MYO15A: variants seen among roughly 807,000 people sequenced by gnomAD.
MYO15A encodes myosin XVA.
Under a neutral mutation model 394.6 loss-of-function variants are expected in MYO15A, and 308 were observed. The observed-to-expected ratio is 0.78, with a 90% confidence interval of 0.71 to 0.86. The LOEUF (loss-of-function observed/expected upper bound fraction) is 0.86, where lower values mean the gene tolerates loss of function less well. MYO15A is among the 40% of genes least tolerant of loss of function. The pLI, the probability that MYO15A is intolerant of heterozygous loss-of-function variation, is 0.00. For synonymous variants in MYO15A, 1,957 were observed against 2,003.8 expected (o/e 0.98, Z 0.62); for missense variants, 4,606 against 4,799.1 (o/e 0.96, Z 1.19).
chr17:18,121,401 C>G lies in MYO15A; in HGVS notation c.2601C>G (p.Arg867=). Residue 867 remains arginine (R), a synonymous_variant, in exon 2 of 66, where the codon CGC becomes CGG. Coordinates refer to ENST00000647165, the MANE Select transcript of MYO15A (RefSeq NM_016239.4). This position sits in a 1 kb window ranked among gnomAD's most constrained non-coding sequence, Gnocchi z 5.3. ...GCAGCTCCCTGAATCTGCCCTCGCGCCTCCCGCACACGTGGCGGCGCCTCA... is the reference window on the plus strand; with the variant it reads ...GCAGCTCCCTGAATCTGCCCTCGCGGCTCCCGCACACGTGGCGGCGCCTCA... ...PRRSSLNLPS[R]LPHTWRRLSE... 6.5e-7 allele frequency: 1 copy of G among 1,537,558 alleles called. No individual in the cohort carries two copies. The highest frequency in any genetic ancestry group is 8.7e-7 in the Non-Finnish European group (1 of 1,144,838).
chr17:18,132,027 C>T lies in MYO15A; in HGVS notation c.4207-426C>T, dbSNP rs2046176418. Among the ~76,000 whole-genome samples the T allele has an allele frequency of 6.6e-6, 1 of 152,154 alleles. No individual in the cohort carries two copies. Among genetic ancestry groups the T allele is most frequent in the African/African-American group, 2.4e-5 (1 of 41,432 alleles). On this transcript the variant is annotated intron_variant, in intron 10 of 65. Transcript: ENST00000647165. The surrounding 1 kb of genome is among the most constrained non-coding windows in gnomAD (Gnocchi z 4.6). The stretch of plus-strand genomic sequence containing the variant: ...AGCTAGCAGGTGGGCTCCATCAGGT[C>T]AGGGGCTTCTCTCTACGTTGTTCCC...
intron 16 of MYO15A, chr17:18,137,886 C>T (rs1378201987): frequency 2.4e-6 from 2 of 832,468 alleles, no homozygotes; most frequent in African/African-American, 1.7e-5. Flanking sequence ...AGAGAGGAGT[C>T]CCCTTGGTGG....
rs371677606 is a variant in MYO15A at position 18,145,996 on chromosome 17, A to G, written c.6398A>G (p.Asn2133Ser). ...GATGAGATCCTGGCACAGCTGGCCA[A>G]TCAGGTGTGGCACAATCACAATGCC... is the stretch of plus-strand genomic sequence containing the variant. Reference protein sequence around the residue: ...LRDEILAQLANQVWHNHNAHN... With the variant: ...LRDEILAQLASQVWHNHNAHN... The change falls in exon 30 of 66, where the codon AAT (asparagine) becomes AGT (serine). Residue 2133 changes from asparagine to serine, a missense_variant. Asn to Ser is a conservative substitution (Grantham distance 46). Coordinates refer to ENST00000647165, the MANE Select transcript of MYO15A (RefSeq NM_016239.4). 1.1e-5 allele frequency: 18 copies of G among 1,613,792 alleles called. 1 individual carries two copies. In the African/African-American group the frequency reaches 2.4e-4, roughly 22 times the overall value.
intron 16 of MYO15A, 137 bp from the exon 17 acceptor site, chr17:18,137,978 G>A (rs533669368): frequency 2.1e-5 from 26 of 1,250,178 alleles, no homozygotes; most frequent in Non-Finnish European, 2.9e-5. Context: ...CCTTATTAGG[G>A]GGTGAGCTCC....
At position 18,151,198 on chromosome 17, in the gene MYO15A, TG is replaced by T; in HGVS notation, c.7564del (p.Ala2522ProfsTer21). ...CTCCTGCGTGCCACTCCAAAGCCCT[TG>T]GCCCCAGCCCCTCTGGCCAAGGCTC... is the stretch of plus-strand genomic sequence containing the variant. ...PVLLRATPKP[L>X]APAPLAKAPR... On this transcript the variant is annotated frameshift_variant, in exon 39 of 66. Coordinates refer to ENST00000647165, the MANE Select transcript of MYO15A (RefSeq NM_016239.4). LOFTEE classifies it high-confidence loss of function. 2 of 1,614,112 alleles carry T rather than the reference TG, an allele frequency of 1.2e-6. No individual in the cohort carries two copies. The highest frequency in any genetic ancestry group is 1.7e-6 in the Non-Finnish European group (2 of 1,180,018).
rs2046052304 is a variant in MYO15A at position 18,126,802 on chromosome 17, C to T, written c.3878C>T (p.Ala1293Val). The T allele has an allele frequency of 1.2e-6, 2 of 1,613,582 alleles. No individual in the cohort carries two copies. Among genetic ancestry groups the T allele is most frequent in the Non-Finnish European group, 1.7e-6 (2 of 1,179,880 alleles). ...ALGENPPHLFAVANLAFAKML... is the reference protein window; with the variant it reads ...ALGENPPHLFVVANLAFAKML... The stretch of plus-strand genomic sequence containing the variant: ...ACCTGTCTCCCCAGGCACCTCTTTG[C>T]TGTTGCAAATCTCGCCTTCGCCAAA... Residue 1293 changes from alanine to valine, a missense_variant, in exon 6 of 66, where the codon GCT (alanine) becomes GTT (valine). Ala to Val is a moderately conservative substitution (Grantham distance 64, BLOSUM62 0). Around this residue, in one of 2 missense-constraint regions of MYO15A, gnomAD observed 2,776 missense variants for 3,109.3 expected, o/e 0.89. Transcript: ENST00000647165.
chr17:18,163,374 A>G, intron 59 of MYO15A, 53 bp downstream of exon 59: 1 of 1,572,048 alleles, frequency 6.4e-7, no homozygotes, highest in Non-Finnish European at 8.7e-7. Flanking sequence ...AGGGACAAGG[A>G]CAGCCCAGGC....
chr17:18,160,082 C>G (rs2046754226), intron 56 of MYO15A, 65 bp downstream of exon 56: 2 of 1,492,954 alleles, frequency 1.3e-6, no homozygotes, highest in Non-Finnish European at 1.8e-6. Flanking sequence ...GGGACCAGTT[C>G]AGCCTCCCAC....
At position 18,118,987 on chromosome 17, in the gene MYO15A, C is replaced by A; in HGVS notation, c.187C>A (p.Leu63Ile). 1 of 1,613,026 alleles carries A rather than the reference C, an allele frequency of 6.2e-7. No homozygotes were observed. The highest frequency in any genetic ancestry group is 1.3e-5 in the African/African-American group (1 of 75,056). The stretch of plus-strand genomic sequence containing the variant: ...CAGCGCCTCGGCCTTCTTCTGGGGC[C>A]TCCACACCGGCCCCCAGAAGACCAA... ...FRSASAFFWG[L>I]HTGPQKTKRK... Residue 63 changes from leucine to isoleucine, a missense_variant, in exon 2 of 66, where the codon CTC becomes ATC. Physicochemically the swap from Leu to Ile is conservative, Grantham distance 5. Transcript: ENST00000647165.
intron 65 of MYO15A, among the ~76,000 whole-genome samples, chr17:18,174,634 G>A (rs2046988484): frequency 6.6e-6 from 1 of 152,170 alleles, no homozygotes; most frequent in Admixed American, 6.5e-5. Flanking sequence ...AAAAAGCATG[G>A]ATGACCTCTA....
rs1162296750 is a variant in MYO15A at position 18,121,804 on chromosome 17, AC to A, written c.3006del (p.Lys1003AsnfsTer55). The A allele has an allele frequency of 1.9e-6, 3 of 1,612,670 alleles. No individual in the cohort carries two copies. Among genetic ancestry groups the A allele is most frequent in the Non-Finnish European group, 2.5e-6 (3 of 1,179,896 alleles). On this transcript the variant is annotated frameshift_variant, in exon 2 of 66. Coordinates refer to ENST00000647165, the MANE Select transcript of MYO15A (RefSeq NM_016239.4). LOFTEE classifies it high-confidence loss of function. The surrounding 1 kb of genome is among the most constrained non-coding windows in gnomAD (Gnocchi z 5.3). ...RHHEPGPGQL[T>X]KSAGPTPEKP... ...CCATGAGCCGGGGCCTGGACAGCTC[AC>A]CAAATCAGCTGGCCCAACCCCTGAG...
intron 50 of MYO15A, 105 bp from the exon 51 acceptor site, chr17:18,157,617 G>A: frequency 2.6e-6 from 4 of 1,558,916 alleles, no homozygotes; most frequent in Non-Finnish European, 3.4e-6. Flanking sequence ...CTGCCTCATA[G>A]AGTTCCAGAG....
intron 62 of MYO15A, among the ~76,000 whole-genome samples, chr17:18,170,400 C>A (rs576995687): frequency 2.2e-4 from 34 of 151,206 alleles, no homozygotes; most frequent in African/African-American, 7.8e-4. Context: ...TCTCTGTCAC[C>A]CAGACTGGAG....
At position 18,120,701 on chromosome 17, in the gene MYO15A, G is replaced by C. The variant is rs1355723123; in HGVS notation, c.1901G>C (p.Arg634Pro). ...ATCGTGCTGAGGAGGGCCCAGCCAC[G>C]CGCTCGCAGCAGCAACGACGCGCGC... ...TPIVLRRAQP[R>P]ARSSNDARRP... Residue 634 changes from arginine (R) to proline (P), a missense_variant, in exon 2 of 66, where the codon CGC (arginine) becomes CCC (proline). Arg to Pro is a moderately radical substitution (Grantham distance 103). This residue lies in a region of MYO15A where 1,830 missense variants were observed against 1,689.7 expected (regional missense o/e 1.08). Coordinates refer to ENST00000647165, the MANE Select transcript of MYO15A (RefSeq NM_016239.4). The C allele has an allele frequency of 1.3e-6, 2 of 1,535,848 alleles. No individual in the cohort carries two copies. The highest frequency in any genetic ancestry group is 4.0e-5 in the Admixed American group (2 of 49,574).
intron 7 of MYO15A, among the ~76,000 whole-genome samples, chr17:18,127,834 G>GAGAT (rs1555541561): frequency 4.6e-5 from 6 of 131,096 alleles, no homozygotes; most frequent in African/African-American, 1.7e-4. Context: ...GAAAAAAAAA[G>GAGAT]ATATATATAT....
rs2045827020 is a variant in MYO15A, at chr17:18,118,585, GA to G, written c.-213del. The G allele has an allele frequency of 3.1e-6, 2 of 652,536 alleles. No homozygotes were observed. The highest frequency in any genetic ancestry group is 5.2e-6 in the Non-Finnish European group (2 of 386,462). The allele number at this position is 652,536 out of a possible 1,614,324, so 40.4% of individuals were successfully genotyped here. On this transcript the variant is annotated 5_prime_UTR_variant, in exon 2 of 66. It removes the in-frame stop codon of an upstream open reading frame in the 5' UTR. Transcript: ENST00000647165. ...ACACTTTCTACTACTGCTCTAGGGT[GA>G]AACCCAAGGCGCTCTAGAGGAGATG...
In MYO15A at chr17:18,163,739, C is replaced by A. The variant is rs142996507; in HGVS notation, c.9691-3C>A. 1.3e-3 allele frequency: 2,030 copies of A among 1,611,862 alleles called. 5 individuals carry two copies. Among genetic ancestry groups the A allele is most frequent in the Non-Finnish European group, 1.2e-3 (1,437 of 1,178,850 alleles). The stretch of plus-strand genomic sequence containing the variant: ...GGCCTCATCTCTTCCGCCCCACCCC[C>A]AGGTGGCCCTGGACGTGGTGGAAGA... On this transcript the variant is annotated splice_region_variant and splice_polypyrimidine_tract_variant and intron_variant, in intron 59 of 65. Transcript: ENST00000647165.
At chr17:18,138,470 T>C (rs1219388045) in intron 17 of MYO15A, among the ~76,000 whole-genome samples, 1 of 152,218 alleles carries the variant, frequency 6.6e-6, no homozygotes, top group Admixed American at 6.5e-5. Context: ...CACAGAAGGT[T>C]TCCTGGAGTA....
chr17:18,142,498 CA>C (rs2046400497), intron 24 of MYO15A, among the ~76,000 whole-genome samples: 2 of 152,222 alleles, frequency 1.3e-5, no homozygotes, highest in African/African-American at 4.8e-5. Context: ...CCCTGCATTT[CA>C]GGGACCTGAG....
Sources: allele counts gnomAD v4.1 joint callset (sites outside exome capture counted in the v4.1 genomes callset), GRCh38; gene constraint gnomAD v4.1.1; regional missense constraint gnomAD v4.1.1; non-coding constraint Gnocchi (gnomAD v3.1); transcripts MANE v1.5; gene names NCBI Gene and HGNC (gene_info 2026-07-23, HGNC 2026-07-21).